Variants in EHBP1 observed in about 807,000 individuals in gnomAD.
EHBP1 encodes the protein EH domain-binding protein 1.
Under a neutral mutation model 144.0 loss-of-function variants are expected in EHBP1, and 55 were observed. That is an observed-to-expected ratio of 0.38 (90% confidence interval 0.31 to 0.48). EHBP1 has a LOEUF of 0.48. Among genes scored for constraint, EHBP1 ranks in the 20% least tolerant of loss-of-function variants. The pLI, the probability that EHBP1 is intolerant of heterozygous loss-of-function variation, is 0.98. For missense variants in EHBP1, 1,200 were observed against 1,364.2 expected (o/e 0.88, Z 1.90); for synonymous variants, 469 against 472.7 (o/e 0.99, Z 0.10).
intron 7 of EHBP1, among the ~76,000 whole-genome samples, chr2:62,835,720 A>G (rs1369552951): frequency 6.6e-6 from 1 of 152,184 alleles, no homozygotes; most frequent in Non-Finnish European, 1.5e-5. Flanking sequence ...CGAGTCAAAG[A>G]AAGGGGTGAC....
intron 16 of EHBP1, among the ~76,000 whole-genome samples, chr2:62,992,537 A>T (rs2059455206): frequency 6.6e-6 from 1 of 152,202 alleles, no homozygotes; most frequent in East Asian, 1.9e-4. Context: ...AATGGTGTTT[A>T]TAAAGAACAT....
rs1201361996 is a variant in EHBP1, at chr2:62,979,206, C to T, written c.2479C>T (p.Arg827Cys). The change falls in exon 15 of 23, where the codon CGT becomes TGT. Residue 827 changes from arginine (R) to cysteine (C), a missense_variant. Arg to Cys is a radical substitution (Grantham distance 180, BLOSUM62 -3). Coordinates refer to ENST00000431489, the MANE Select transcript of EHBP1 (RefSeq NM_001142616.3). ...ATCTTAGCAGCAAGATGAAGAGCGA[C>T]GTCGGCAGCTGAGAGAGAGAGCTCG... ...QLSDQQDEER[R>C]RQLRERARQL... The T allele has an allele frequency of 3.7e-6, 6 of 1,613,118 alleles. No homozygotes were observed. The highest frequency in any genetic ancestry group is 4.5e-5 in the East Asian group (2 of 44,852).
rs572150559 is a variant in EHBP1, at chr2:62,769,708, A to G, written c.259-1631A>G. On this transcript the variant is annotated intron_variant, in intron 4 of 22. Transcript: ENST00000431489. Reference sequence around the variant, plus strand: ...AGTCTGAATAGCCAAGGCAATCCTAAGCCAAAAGAACAAAGCTGGAAGCAT... The same window carrying G: ...AGTCTGAATAGCCAAGGCAATCCTAGGCCAAAAGAACAAAGCTGGAAGCAT... Among the ~76,000 whole-genome samples, 66 of 152,052 alleles carry G rather than the reference A, an allele frequency of 4.3e-4. 1 individual carries two copies. Among genetic ancestry groups the G allele is most frequent in the African/African-American group, 1.4e-3 (58 of 41,480 alleles).
chr2:62,942,151 A>G (rs2153073380), intron 10 of EHBP1, among the ~76,000 whole-genome samples: 1 of 152,278 alleles, frequency 6.6e-6, no homozygotes, highest in South Asian at 2.1e-4. Context: ...GACTGTTGCT[A>G]ATAACTCTAA....
At chr2:62,897,208 A>G (rs1558875558) in intron 10 of EHBP1, among the ~76,000 whole-genome samples, 1 of 152,206 alleles carries the variant, frequency 6.6e-6, no homozygotes, top group Non-Finnish European at 1.5e-5. Context: ...GTAACATCCT[A>G]TAAACACTGG....
chr2:62,675,247 T>A (rs1224039568), intron 1 of EHBP1, among the ~76,000 whole-genome samples: 1 of 152,114 alleles, frequency 6.6e-6, no homozygotes, highest in Non-Finnish European at 1.5e-5. Context: ...TGAAAAAGTG[T>A]CCCTCCAGAT....
intron 21 of EHBP1, among the ~76,000 whole-genome samples, chr2:63,040,027 G>A (rs949261251): frequency 2.6e-5 from 4 of 151,866 alleles, no homozygotes; most frequent in African/African-American, 9.7e-5. Context: ...GAAATAAAGT[G>A]CACAACTATA....
chr2:62,681,345 T>C (rs955416019), intron 1 of EHBP1, among the ~76,000 whole-genome samples: 5 of 112,624 alleles, frequency 4.4e-5, no homozygotes, highest in African/African-American at 1.8e-4. Flanking sequence ...TGTGTGTATA[T>C]ATATATATAT....
chr2:62,862,514 G>A (rs948840074), intron 8 of EHBP1, among the ~76,000 whole-genome samples: 1 of 152,140 alleles, frequency 6.6e-6, no homozygotes, highest in East Asian at 1.9e-4. Flanking sequence ...GGAGGTTGAG[G>A]CAGGAGAATA....
chr2:62,922,688 A>C (rs180807218), intron 10 of EHBP1, among the ~76,000 whole-genome samples: 2 of 152,310 alleles, frequency 1.3e-5, no homozygotes, highest in East Asian at 1.9e-4. Context: ...ATTTGACAGG[A>C]GTGTCAAAGA....
At chr2:62,883,365 C>T (rs192725576) in intron 10 of EHBP1, among the ~76,000 whole-genome samples, 35 of 152,294 alleles carry the variant, frequency 2.3e-4, no homozygotes, top group African/African-American at 7.2e-4. Context: ...ATTGCAGATA[C>T]ATTGTGGAAT....
intron 2 of EHBP1, among the ~76,000 whole-genome samples, chr2:62,717,387 G>A (rs1431739219): frequency 6.6e-6 from 1 of 152,180 alleles, no homozygotes; most frequent in Non-Finnish European, 1.5e-5. Context: ...CACTGAACTT[G>A]TTCACTGCAT....
chr2:62,777,415 G>A (rs2042121823), intron 5 of EHBP1, among the ~76,000 whole-genome samples: 1 of 152,136 alleles, frequency 6.6e-6, no homozygotes, highest in Non-Finnish European at 1.5e-5. Flanking sequence ...ATTTTAATAT[G>A]GATTTTCTAT....
intron 10 of EHBP1, among the ~76,000 whole-genome samples, chr2:62,927,598 G>A (rs78565443): frequency 0.021 from 3,227 of 152,160 alleles, 84 homozygotes; most frequent in African/African-American, 0.065. Flanking sequence ...CCTAATAACT[G>A]ACCATCAAAA....
chr2:62,931,103 G>A (rs1221311706), intron 10 of EHBP1, among the ~76,000 whole-genome samples: 1 of 152,034 alleles, frequency 6.6e-6, no homozygotes, highest in Non-Finnish European at 1.5e-5. Flanking sequence ...CAAAATGGGA[G>A]GATATTTTAA....
intron 2 of EHBP1, among the ~76,000 whole-genome samples, chr2:62,723,982 G>A (rs1180852049): frequency 6.6e-6 from 1 of 152,116 alleles, no homozygotes; most frequent in Admixed American, 6.5e-5. Flanking sequence ...TATCTTACTA[G>A]GGTTCTCTGC....
rs760784394 is a variant in EHBP1, at chr2:62,831,143, G to A, written c.619G>A (p.Ala207Thr). The A allele has an allele frequency of 5.6e-6, 9 of 1,595,382 alleles. No homozygotes were observed. The South Asian group carries it at 6.9e-5, about 12-fold the overall frequency. Reference sequence around the variant, plus strand: ...GAACAGAGTGAACCAAGAAGAAAAGGCAGCTAAAATTACAGGTTGGTTTTA... The same window carrying A: ...GAACAGAGTGAACCAAGAAGAAAAGACAGCTAAAATTACAGGTTGGTTTTA... ...DENRVNQEEKAAKITELINKL... is the reference protein window; with the variant it reads ...DENRVNQEEKTAKITELINKL... The change falls in exon 7 of 23, where the codon GCA becomes ACA. Residue 207 changes from alanine to threonine, a missense_variant. Transcript: ENST00000431489.
intron 4 of EHBP1, among the ~76,000 whole-genome samples, 154 bp downstream of exon 4, chr2:62,764,515 G>A (rs1169373560): frequency 6.6e-6 from 1 of 152,030 alleles, no homozygotes; most frequent in Non-Finnish European, 1.5e-5. Flanking sequence ...ACAATGCAAA[G>A]GAATCACAGT....
At chr2:62,787,937 C>T (rs2042926727) in intron 5 of EHBP1, among the ~76,000 whole-genome samples, 1 of 152,146 alleles carries the variant, frequency 6.6e-6, no homozygotes, top group Non-Finnish European at 1.5e-5. Context: ...ATTTAAGTAG[C>T]AACTCTTTAA....
Sources: allele counts gnomAD v4.1 joint callset (sites outside exome capture counted in the v4.1 genomes callset), GRCh38; gene constraint gnomAD v4.1.1; transcripts MANE v1.5; gene names NCBI Gene and HGNC (gene_info 2026-07-23, HGNC 2026-07-21).